SYNE2: variants seen among roughly 807,000 people sequenced by gnomAD.
The protein encoded by SYNE2 is spectrin repeat containing nuclear envelope protein 2.
Under a neutral mutation model 856.3 loss-of-function variants are expected in SYNE2, and 431 were observed. The observed-to-expected ratio is 0.50, with a 90% CI of 0.47 to 0.55. SYNE2 has a LOEUF of 0.55. Among genes scored for constraint, SYNE2 ranks in the 20% least tolerant of loss-of-function variants. The probability of loss-of-function intolerance (pLI) is 0.00; values close to 1 mark genes in which losing one functional copy is unlikely to be tolerated. For synonymous variants in SYNE2, 2,923 were observed against 2,872.3 expected (o/e 1.02, Z -0.56); for missense variants, 8,129 against 8,023.2 (o/e 1.01, Z -0.50).
chr14:63,891,857 C>G (rs1019701180), intron 1 of SYNE2, among the ~76,000 whole-genome samples: 1 of 151,958 alleles, frequency 6.6e-6, no homozygotes, highest in East Asian at 1.9e-4. Context: ...TAATTTGGGT[C>G]GGTTATAGTA....
At chr14:64,193,970 A>G (rs908568301) in intron 99 of SYNE2, among the ~76,000 whole-genome samples, 5 of 152,254 alleles carry the variant, frequency 3.3e-5, no homozygotes, top group African/African-American at 7.2e-5. Context: ...GAATGTGCAC[A>G]TAAGATTACT....
At chr14:63,900,220 T>C (rs910351718) in intron 1 of SYNE2, among the ~76,000 whole-genome samples, 1 of 152,224 alleles carries the variant, frequency 6.6e-6, no homozygotes, top group Non-Finnish European at 1.5e-5. Flanking sequence ...AGTGGCATCA[T>C]GATTTGAGAA....
At chr14:64,092,092 G>A (rs903470387) in intron 60 of SYNE2, among the ~76,000 whole-genome samples, 2 of 152,048 alleles carry the variant, frequency 1.3e-5, no homozygotes, top group South Asian at 2.1e-4. Context: ...GTACTACCTT[G>A]TAATAATATA....
In SYNE2 at chr14:64,116,083, A is replaced by G. The variant is rs562125557; in HGVS notation, c.12840+2512A>G. The stretch of plus-strand genomic sequence containing the variant: ...CTACCTGGGAGGCTGAGGCACTAAT[A>G]TCTCTTAAGCCCAAGAATTCAAGGC... On this transcript the variant is annotated intron_variant, in intron 66 of 115. Coordinates refer to ENST00000555002, the MANE Select transcript of SYNE2 (RefSeq NM_182914.3). 3.9e-5 allele frequency among the ~76,000 whole-genome samples: 6 copies of G among 151,942 alleles called. No individual in the cohort carries two copies. The South Asian group carries it at 1.2e-3, about 32-fold the overall frequency.
chr14:63,827,482 G>A (rs1224282869), intron 1 of SYNE2, among the ~76,000 whole-genome samples: 1 of 151,290 alleles, frequency 6.6e-6, no homozygotes, highest in African/African-American at 2.4e-5. Flanking sequence ...AAAATTAGCC[G>A]GGTGTGGTGG....
Position 64,122,324 on chromosome 14 carries a change from C to T in SYNE2, c.13319C>T (p.Ser4440Leu), listed in dbSNP as rs954767198. ...ASSPENDVPD[S>L]ILSPQGQNGD... Reference sequence around the variant, plus strand: ...AGCCCTGAAAATGACGTTCCAGACTCGATCTTGTCACCCCAGGGCCAAAAT... The same window carrying T: ...AGCCCTGAAAATGACGTTCCAGACTTGATCTTGTCACCCCAGGGCCAAAAT... Residue 4440 changes from serine (S) to leucine (L), a missense_variant, in exon 70 of 116, where the codon TCG becomes TTG. By Grantham distance (145) the Ser-to-Leu change is moderately radical. Coordinates refer to ENST00000555002, the MANE Select transcript of SYNE2 (RefSeq NM_182914.3). The T allele has an allele frequency of 1.1e-5, 17 of 1,614,044 alleles. No homozygotes were observed. In the African/African-American group the frequency reaches 1.2e-4, roughly 11 times the overall value.
Position 64,224,347 on chromosome 14 carries a change from T to TAAAAC in SYNE2, c.20383-99_20383-95dup, listed in dbSNP as rs768208624. 2.9e-5 allele frequency: 31 copies of TAAAAC among 1,059,938 alleles called. No homozygotes were observed. In the African/African-American group the frequency reaches 4.2e-4, roughly 14 times the overall value. 65.7% of individuals were successfully genotyped at this position (1,059,938 alleles called of 1,614,324 possible). On this transcript the variant is annotated intron_variant, in intron 113 of 115. Coordinates refer to ENST00000555002, the MANE Select transcript of SYNE2 (RefSeq NM_182914.3). ...GCCTGGGTGACACAGTGAGACTGTCTAAAACAAAACAAAACAAAAAAAGAT... is the reference window on the plus strand; with the variant it reads ...GCCTGGGTGACACAGTGAGACTGTCTAAAACAAAACAAAACAAAACAAAAAAAGAT...
intron 1 of SYNE2, among the ~76,000 whole-genome samples, chr14:63,868,890 GCA>G (rs1179441260): frequency 4.6e-5 from 7 of 152,276 alleles, no homozygotes; most frequent in Non-Finnish European, 8.8e-5. Context: ...AAGGAAAAGA[GCA>G]ACATTCTCTC....
chr14:63,938,645 G>A (rs921315318), intron 2 of SYNE2, among the ~76,000 whole-genome samples: 1 of 152,004 alleles, frequency 6.6e-6, no homozygotes, highest in African/African-American at 2.4e-5. Context: ...ATAGTGGTAC[G>A]AGGGCTGCAA....
chr14:63,831,631 C>T lies in SYNE2; in HGVS notation c.-304-20870C>T, dbSNP rs180687076. Among the ~76,000 whole-genome samples, 486 of 138,940 alleles carry T rather than the reference C, an allele frequency of 3.5e-3. 2 individuals carry two copies. Among genetic ancestry groups the T allele is most frequent in the Middle Eastern group, 0.021 (5 of 240 alleles). The allele number at this position is 138,940 out of a possible 152,430, so 91.2% of individuals were successfully genotyped here. A position where few individuals can be genotyped will look rare whatever the true frequency, so the allele number is the denominator to read the frequency against. On this transcript the variant is annotated intron_variant, in intron 1 of 23. Coordinates refer to the SYNE2 transcript ENST00000674003. The stretch of plus-strand genomic sequence containing the variant: ...AGTGCAGTGGCACAATCTCGGCTCA[C>T]TGAAACCTCCACCTCCTGGGTTCAA...
chr14:64,155,985 G>A (rs979606170), intron 85 of SYNE2, among the ~76,000 whole-genome samples: 3 of 152,086 alleles, frequency 2.0e-5, no homozygotes, highest in South Asian at 4.1e-4. Context: ...TCTAAGCCTC[G>A]ATTTTCTGGT....
chr14:63,775,710 T>C (rs1887084159), intron 1 of SYNE2, among the ~76,000 whole-genome samples: 1 of 152,180 alleles, frequency 6.6e-6, no homozygotes, highest in African/African-American at 2.4e-5. Flanking sequence ...CCTCCAAAAG[T>C]AGCTGGGACT....
intron 87 of SYNE2, 35 bp downstream of exon 87, chr14:64,159,477 C>G: frequency 6.2e-7 from 1 of 1,608,608 alleles, no homozygotes; most frequent in Non-Finnish European, 8.5e-7. Flanking sequence ...TGATAGATAT[C>G]TTTATCTTAA....
At chr14:63,954,318 A>G (rs2096211868) in intron 7 of SYNE2, among the ~76,000 whole-genome samples, 1 of 152,190 alleles carries the variant, frequency 6.6e-6, no homozygotes. Context: ...TTAAAGGCAG[A>G]CTTAAGCCAA....
At chr14:63,917,963 C>T (rs1366321421) in intron 2 of SYNE2, among the ~76,000 whole-genome samples, 2 of 151,840 alleles carry the variant, frequency 1.3e-5, no homozygotes, top group African/African-American at 2.4e-5. Context: ...GGGTCAGTTA[C>T]ATTTTGAAAA....
Position 63,977,905 on chromosome 14 carries a change from A to G in SYNE2, c.1294A>G (p.Ser432Gly). 1 of 1,607,534 alleles carries G rather than the reference A, an allele frequency of 6.2e-7. No homozygotes were observed. ...LIQEKMTLFK[S>G]LMDRFEHHSN... ...TATGTCATGCTGAATTTCTTTTCAGAGCCTGATGGATAGATTTGAGCATCA... is the reference window on the plus strand; with the variant it reads ...TATGTCATGCTGAATTTCTTTTCAGGGCCTGATGGATAGATTTGAGCATCA... The change falls in exon 13 of 116, where the codon AGC becomes GGC. Residue 432 changes from serine to glycine, a missense_variant and splice_region_variant. Transcript: ENST00000555002.
chr14:63,931,776 A>T (rs1481657669), intron 2 of SYNE2, among the ~76,000 whole-genome samples: 2 of 152,114 alleles, frequency 1.3e-5, no homozygotes, highest in Admixed American at 1.3e-4. Flanking sequence ...TTTAACTCCA[A>T]GTTCTCATGT....
intron 100 of SYNE2, among the ~76,000 whole-genome samples, chr14:64,205,075 A>T (rs1402653133): frequency 3.9e-5 from 6 of 152,210 alleles, no homozygotes; most frequent in African/African-American, 1.4e-4. Context: ...AAGGACCCTT[A>T]GGATTACAGT....
At chr14:64,198,987 G>A (rs561801023) in intron 99 of SYNE2, among the ~76,000 whole-genome samples, 1 of 152,286 alleles carries the variant, frequency 6.6e-6, no homozygotes, top group South Asian at 2.1e-4. Flanking sequence ...CTATCTTCCA[G>A]CTATCTCTGA....
Sources: allele counts gnomAD v4.1 joint callset (sites outside exome capture counted in the v4.1 genomes callset), GRCh38; gene constraint gnomAD v4.1.1; transcripts MANE v1.5; gene names NCBI Gene and HGNC (gene_info 2026-07-23, HGNC 2026-07-21).